Variants in SRL observed in about 807,000 individuals in gnomAD.
The protein encoded by SRL is sarcalumenin.
In SRL, 23 loss-of-function variants were observed where a neutral mutation model predicts 39.5. The observed-to-expected ratio is 0.58, with a 90% CI of 0.42 to 0.82. The LOEUF (loss-of-function observed/expected upper bound fraction) is 0.82, where lower values mean the gene tolerates loss of function less well. SRL is among the 40% of genes least tolerant of loss of function. The pLI is 0.00. For synonymous variants in SRL, 272 were observed against 237.4 expected (o/e 1.15, Z -1.34); for missense variants, 592 against 607.8 (o/e 0.97, Z 0.27).
chr16:4,224,132 G>A (rs1424934637), intron 1 of SRL, among the ~76,000 whole-genome samples: 1 of 152,144 alleles, frequency 6.6e-6, no homozygotes. Context: ...GGAGGAGGGA[G>A]AGGAGAGGAG....
Position 4,203,681 on chromosome 16 carries a change from C to T in SRL, c.164-420G>A, listed in dbSNP as rs140823687. 1.3e-4 allele frequency among the ~76,000 whole-genome samples: 20 copies of T among 150,076 alleles called. No homozygotes were observed. In the South Asian group the frequency reaches 1.9e-3, roughly 14 times the overall value. On this transcript the variant is annotated intron_variant, in intron 2 of 5. Transcript: ENST00000399609. ...GAATTACAGACATAAGCCACTGTGC[C>T]CGGCCTGAGCTGTTTTTTTTTAAAA...
At chr16:4,231,863 T>C (rs764791345) in intron 1 of SRL, among the ~76,000 whole-genome samples, 1 of 152,206 alleles carries the variant, frequency 6.6e-6, no homozygotes, top group Non-Finnish European at 1.5e-5. Flanking sequence ...TTAGAAAGTA[T>C]CTATTATCAA....
At chr16:4,198,896 T>C (rs1214258600) in intron 3 of SRL, among the ~76,000 whole-genome samples, 1 of 152,142 alleles carries the variant, frequency 6.6e-6, no homozygotes, top group Non-Finnish European at 1.5e-5. Context: ...CAAGGGCCAC[T>C]CCAGGTGGGT....
At position 4,192,417 on chromosome 16, in the gene SRL, T is replaced by C; in HGVS notation, c.1158A>G (p.Ala386=). 6.2e-7 allele frequency: 1 copy of C among 1,614,232 alleles called. No individual in the cohort carries two copies. Among genetic ancestry groups the C allele is most frequent in the Non-Finnish European group, 8.5e-7 (1 of 1,180,032 alleles). The change falls in exon 6 of 6, where the codon GCA becomes GCG. Residue 386 remains alanine, a synonymous_variant. Transcript: ENST00000399609. The surrounding 1 kb of genome is among the most constrained non-coding windows in gnomAD (Gnocchi z 4.0). ...DKFYIFKTIL[A]KTNVSKFDLP... is the part of the protein sequence containing the mutation. ...GGTCAAATTTGCTGACATTGGTCTT[T>C]GCCAGGATGGTCTTGAAGATGTAGA...
Position 4,195,835 on chromosome 16 carries a change from A to T in SRL, c.377-49T>A, listed in dbSNP as rs11861076. ...AAGGAATACATGATCTCTGTGAAAC[A>T]GATCTACTGAGAAGCATGTGTATAT... On this transcript the variant is annotated intron_variant, in intron 4 of 5. Coordinates refer to ENST00000399609, the MANE Select transcript of SRL (RefSeq NM_001098814.2). 9.4e-3 allele frequency: 14,010 copies of T among 1,483,216 alleles called. 1,002 individuals carry two copies. In the African/African-American group the frequency reaches 0.17, roughly 18 times the overall value. 91.9% of individuals were successfully genotyped at this position (1,483,216 alleles called of 1,614,324 possible).
rs2052045301 is a variant in SRL at position 4,190,275 on chromosome 16, T to C, written c.*1878A>G. 1 of 399,028 alleles carries C rather than the reference T, an allele frequency of 2.5e-6. No individual in the cohort carries two copies. The highest frequency in any genetic ancestry group is 2.1e-5 in the African/African-American group (1 of 48,646). The allele number at this position is 399,028 out of a possible 1,614,324, so 24.7% of individuals were successfully genotyped here. On this transcript the variant is annotated 3_prime_UTR_variant, in exon 6 of 6. Transcript: ENST00000399609. ...AACCTGACTGCCAACTGGCTTACCC[T>C]GCCTGACCTCAGAGTGCCTCTCCCT...
At chr16:4,231,963 T>C (rs2052664076) in intron 1 of SRL, among the ~76,000 whole-genome samples, 2 of 152,128 alleles carry the variant, frequency 1.3e-5, no homozygotes, top group Admixed American at 1.3e-4. Flanking sequence ...TTATCCCCAT[T>C]TTATGGGTGA....
At chr16:4,230,426 G>C (rs1478245564) in intron 1 of SRL, among the ~76,000 whole-genome samples, 2 of 150,914 alleles carry the variant, frequency 1.3e-5, no homozygotes, top group African/African-American at 4.9e-5. Context: ...TGTCGCCCAG[G>C]CTGGAGTATG....
chr16:4,221,133 C>G (rs2052526115), intron 1 of SRL, among the ~76,000 whole-genome samples: 1 of 151,878 alleles, frequency 6.6e-6, no homozygotes, highest in African/African-American at 2.4e-5. Flanking sequence ...ACTGCAACCT[C>G]TGCCTCCTGG....
chr16:4,235,871 G>A (rs1211746707), intron 1 of SRL, among the ~76,000 whole-genome samples: 4 of 152,144 alleles, frequency 2.6e-5, no homozygotes, highest in Non-Finnish European at 5.9e-5. Context: ...AGCGGATCTC[G>A]AGGTCAGGAG....
At chr16:4,221,325 A>G (rs4785954) in intron 1 of SRL, among the ~76,000 whole-genome samples, 85,392 of 152,054 alleles carry the variant, frequency 0.56, 24,754 homozygotes, top group Middle Eastern at 0.71. Flanking sequence ...AGGATTACAG[A>G]CGTGAGCCAC....
intron 1 of SRL, among the ~76,000 whole-genome samples, chr16:4,215,287 T>C (rs1243098905): frequency 6.6e-6 from 1 of 152,238 alleles, no homozygotes; most frequent in African/African-American, 2.4e-5. Context: ...TTCTTTGGCT[T>C]CCTGGCCATG....
At chr16:4,214,199 T>C (rs1412538005) in intron 1 of SRL, among the ~76,000 whole-genome samples, 1 of 152,232 alleles carries the variant, frequency 6.6e-6, no homozygotes, top group Non-Finnish European at 1.5e-5. Context: ...CTCTGGGTGT[T>C]GAATGTATTC....
chr16:4,206,739 T>A (rs150818301), intron 1 of SRL: 1 of 429,190 alleles, frequency 2.3e-6, no homozygotes, highest in East Asian at 7.1e-5. Context: ...TGGGCAACAA[T>A]GATGGGACTC....
intron 1 of SRL, among the ~76,000 whole-genome samples, chr16:4,211,105 T>A (rs1186283126): frequency 6.6e-6 from 1 of 151,970 alleles, no homozygotes; most frequent in East Asian, 1.9e-4. Context: ...GTCCCATGCT[T>A]CCCTTTCTCT....
At chr16:4,220,020 G>T (rs9924385) in intron 1 of SRL, among the ~76,000 whole-genome samples, 24,320 of 152,038 alleles carry the variant, frequency 0.16, 2,296 homozygotes, top group Middle Eastern at 0.3. Flanking sequence ...GACCCTCCCA[G>T]CCCACCTTGC....
intron 5 of SRL, 135 bp downstream of exon 5, chr16:4,195,418 G>C: frequency 2.3e-6 from 2 of 868,266 alleles, no homozygotes; most frequent in Non-Finnish European, 3.6e-6. Flanking sequence ...GGCTGGTCTT[G>C]AACCTCCGGC....
chr16:4,207,022 C>T (rs970633367), intron 1 of SRL: 45 of 452,290 alleles, frequency 9.9e-5, no homozygotes, highest in Middle Eastern at 3.3e-4. Flanking sequence ...TGGGGATCCC[C>T]GCCTTCCTGG....
chr16:4,238,592 G>A (rs1051560116), intron 1 of SRL, among the ~76,000 whole-genome samples: 1 of 151,544 alleles, frequency 6.6e-6, no homozygotes, highest in Admixed American at 6.6e-5. Context: ...TTCCTAAACA[G>A]CAGTTCCACA....
Sources: allele counts gnomAD v4.1 joint callset (sites outside exome capture counted in the v4.1 genomes callset), GRCh38; gene constraint gnomAD v4.1.1; non-coding constraint Gnocchi (gnomAD v3.1); transcripts MANE v1.5; gene names NCBI Gene and HGNC (gene_info 2026-07-23, HGNC 2026-07-21).